Variants in ELL observed in about 807,000 individuals in gnomAD.
ELL encodes RNA polymerase II elongation factor ELL.
Under a neutral mutation model 64.0 loss-of-function variants are expected in ELL, and 18 were observed. That is an observed-to-expected ratio of 0.28 (90% CI 0.19 to 0.42). The LOEUF (loss-of-function observed/expected upper bound fraction) is 0.42, where lower values mean the gene tolerates loss of function less well. Among genes scored for constraint, ELL ranks in the 10% least tolerant of loss-of-function variants. ELL has a pLI of 1.00. For synonymous variants in ELL, 399 were observed against 376.2 expected (o/e 1.06, Z -0.70); for missense variants, 797 against 870.4 (o/e 0.92, Z 1.06).
At chr19:18,462,809 T>C (rs551176621) in intron 4 of ELL, among the ~76,000 whole-genome samples, 12 of 152,310 alleles carry the variant, frequency 7.9e-5, no homozygotes, top group African/African-American at 2.6e-4. Context: ...ATTTTTGTTT[T>C]TCTAAAGTCA....
intron 1 of ELL, among the ~76,000 whole-genome samples, chr19:18,489,500 C>T (rs1269581134): frequency 6.6e-6 from 1 of 152,148 alleles, no homozygotes; most frequent in Non-Finnish European, 1.5e-5. Flanking sequence ...CCATCCAAGA[C>T]CTGAGCCTCT....
intron 5 of ELL, 147 bp downstream of exon 5, chr19:18,461,431 C>T: frequency 2.3e-6 from 3 of 1,296,710 alleles, no homozygotes; most frequent in Non-Finnish European, 3.1e-6. Flanking sequence ...CCCTGGCTCT[C>T]AGGCAGGTTC....
At chr19:18,517,119 G>A (rs1426802472) in intron 1 of ELL, among the ~76,000 whole-genome samples, 38 of 152,098 alleles carry the variant, frequency 2.5e-4, no homozygotes, top group Admixed American at 2.5e-3. Flanking sequence ...ACTGACCAGA[G>A]GCTACTTTTC....
intron 1 of ELL, among the ~76,000 whole-genome samples, chr19:18,506,163 C>T (rs117775198): frequency 0.031 from 4,735 of 152,328 alleles, 108 homozygotes; most frequent in Non-Finnish European, 0.045. Context: ...CCATGCCACA[C>T]GCAGCAGCTG....
At chr19:18,494,526 G>T (rs1975605658) in intron 1 of ELL, among the ~76,000 whole-genome samples, 1 of 152,074 alleles carries the variant, frequency 6.6e-6, no homozygotes, top group Non-Finnish European at 1.5e-5. Context: ...AAGTAGCTGG[G>T]ATTACGGATG....
At chr19:18,475,335 G>A (rs1429321776) in intron 1 of ELL, among the ~76,000 whole-genome samples, 1 of 152,094 alleles carries the variant, frequency 6.6e-6, no homozygotes, top group Non-Finnish European at 1.5e-5. Flanking sequence ...CATCAGAGCA[G>A]CTAATCTAAA....
At chr19:18,451,718 AT>A in intron 6 of ELL, 70 bp from the exon 7 acceptor site, 1 of 1,245,752 alleles carries the variant, frequency 8.0e-7, no homozygotes, top group South Asian at 1.6e-5. Flanking sequence ...CTGTATCCAC[AT>A]GGGGGCCCGG....
chr19:18,486,106 T>C (rs971693173), intron 1 of ELL, among the ~76,000 whole-genome samples: 11 of 151,958 alleles, frequency 7.2e-5, no homozygotes, highest in African/African-American at 2.7e-4. Flanking sequence ...CCTGCTGACC[T>C]TGGCAGGAAG....
intron 1 of ELL, among the ~76,000 whole-genome samples, chr19:18,487,026 G>A (rs1039503805): frequency 8.5e-5 from 13 of 152,168 alleles, no homozygotes; most frequent in Admixed American, 6.5e-4. Flanking sequence ...TGACACCTCC[G>A]ATGCTTCCAC....
chr19:18,446,359 G>A lies in ELL; in HGVS notation c.1654C>T (p.Gln552Ter). 6.2e-7 allele frequency: 1 copy of A among 1,606,920 alleles called. No homozygotes were observed. The highest frequency in any genetic ancestry group is 8.5e-7 in the Non-Finnish European group (1 of 1,178,274). The change falls in exon 10 of 12, where the codon CAG becomes TAG. Residue 552 changes from glutamine (Q) to a stop codon, truncating the protein, a stop_gained. Transcript: ENST00000262809. LOFTEE classifies it high-confidence loss of function. ...RIERITRRFT[Q>*]LDAQLRQLSQ... ...AGCTGCCGGAGCTGGGCGTCGAGCT[G>A]GGTGAACCGCCGCGTGATGCGCTCA... is the stretch of plus-strand genomic sequence containing the variant.
At chr19:18,496,588 G>C (rs918527428) in intron 1 of ELL, among the ~76,000 whole-genome samples, 4 of 152,084 alleles carry the variant, frequency 2.6e-5, no homozygotes, top group African/African-American at 9.7e-5. Flanking sequence ...GAGATCATGG[G>C]TTGGAGGCGT....
chr19:18,461,215 G>A (rs907796987), intron 5 of ELL, among the ~76,000 whole-genome samples: 6 of 152,196 alleles, frequency 3.9e-5, no homozygotes, highest in South Asian at 4.1e-4. Flanking sequence ...TGCCAGGCAC[G>A]TGTAGATTCC....
rs564066496 is a variant in ELL, at chr19:18,461,617, C to A, written c.705G>T (p.Thr235=). 6.2e-7 allele frequency: 1 copy of A among 1,608,504 alleles called. No homozygotes were observed. The highest frequency in any genetic ancestry group is 1.1e-5 in the South Asian group (1 of 91,048). ...LLLRLQKDGL[T]QADKDALDGL... ...CATCCAGCGCGTCCTTGTCCGCCTG[C>A]GTCAGGCCGTCCTTCTGCAGTCGCA... The change falls in exon 5 of 12, where the codon ACG becomes ACT. Residue 235 remains threonine, a synonymous_variant. Coordinates refer to ENST00000262809, the MANE Select transcript of ELL (RefSeq NM_006532.4).
Position 18,465,548 on chromosome 19 carries a change from C to T in ELL, c.333G>A (p.Leu111=), listed in dbSNP as rs745615334. The change falls in exon 4 of 12, where the codon CTG becomes CTA. Residue 111 remains leucine (L), a synonymous_variant. Transcript: ENST00000262809. ...SSHGEVHLDC[L]GSIQDKITVC... is the part of the protein sequence containing the mutation. The stretch of plus-strand genomic sequence containing the variant: ...CCGTGATCTTGTCCTGTATGCTGCC[C>T]AGGCAGTCCAGGTGAACTTCCCCAT... 1.2e-6 allele frequency: 2 copies of T among 1,602,222 alleles called. No homozygotes were observed. The highest frequency in any genetic ancestry group is 1.3e-5 in the African/African-American group (1 of 74,698).
intron 1 of ELL, among the ~76,000 whole-genome samples, chr19:18,490,032 G>A (rs1269649229): frequency 6.6e-6 from 1 of 152,190 alleles, no homozygotes; most frequent in African/African-American, 2.4e-5. Context: ...CGCGGGGCCA[G>A]CCAGGCCAGG....
intron 2 of ELL, among the ~76,000 whole-genome samples, chr19:18,470,254 C>T (rs1051619792): frequency 7.2e-5 from 11 of 152,264 alleles, no homozygotes; most frequent in African/African-American, 2.4e-4. Flanking sequence ...GCATGCTGCA[C>T]GCAAGGACAC....
intron 2 of ELL, among the ~76,000 whole-genome samples, chr19:18,466,611 G>A (rs1210945551): frequency 1.3e-5 from 2 of 152,220 alleles, no homozygotes; most frequent in African/African-American, 4.8e-5. Context: ...GCAGGCAGGC[G>A]GATGGACGGA....
intron 1 of ELL, among the ~76,000 whole-genome samples, chr19:18,514,133 G>A (rs1190113199): frequency 6.6e-6 from 1 of 152,076 alleles, no homozygotes; most frequent in Non-Finnish European, 1.5e-5. Context: ...AGGTCAGATG[G>A]AGGCGGGAGG....
intron 1 of ELL, among the ~76,000 whole-genome samples, chr19:18,511,313 C>T (rs972859278): frequency 7.9e-5 from 12 of 151,870 alleles, no homozygotes; most frequent in Non-Finnish European, 1.8e-4. Context: ...GCCTGTAATC[C>T]CAGCTACTTG....
Sources: gnomAD v4.1 joint callset for allele counts (sites outside exome capture counted in the v4.1 genomes callset) on GRCh38, gnomAD v4.1.1 for gene constraint, MANE v1.5 for transcripts, NCBI Gene and HGNC (gene_info 2026-07-23, HGNC 2026-07-21) for gene names.